The following UBE2R2 variants were observed in gnomAD, a reference collection of about 807,000 sequenced individuals.
UBE2R2 encodes ubiquitin-conjugating enzyme E2 R2.
A neutral mutation model predicts 27.8 loss-of-function variants in UBE2R2; 1 was observed. The ratio of observed to expected loss-of-function variants is 0.04; its 90% CI spans 0.01 to 0.17. The LOEUF is 0.17. Ranked by LOEUF, UBE2R2 falls within the 10% of genes least tolerant of loss-of-function variation. The pLI is 1.00. For missense variants in UBE2R2, 100 were observed against 291.0 expected (o/e 0.34, Z 4.78); for synonymous variants, 106 against 113.3 (o/e 0.94, Z 0.41).
chr9:33,877,061 T>C (rs889041145), intron 1 of UBE2R2, among the ~76,000 whole-genome samples: 4 of 151,938 alleles, frequency 2.6e-5, no homozygotes, highest in African/African-American at 9.7e-5. Context: ...AGAGAACAGC[T>C]TGAATTTGGG....
intron 1 of UBE2R2, among the ~76,000 whole-genome samples, chr9:33,875,065 G>A (rs975607905): frequency 3.8e-4 from 57 of 150,190 alleles, no homozygotes; most frequent in African/African-American, 1.3e-3. Context: ...CACCTGCCTC[G>A]ACCTCCCAAA....
chr9:33,863,762 A>C (rs933957588), intron 1 of UBE2R2, among the ~76,000 whole-genome samples: 3 of 152,012 alleles, frequency 2.0e-5, no homozygotes, highest in African/African-American at 7.2e-5. Context: ...ATCTCGGTTC[A>C]CTGCATCCTC....
chr9:33,917,646 G>A lies in UBE2R2; in HGVS notation c.*409G>A, dbSNP rs944216911. Reference sequence around the variant, plus strand: ...CTGGGAACCTGTTGGGAGTTCACAAGTGCTGCATATACTGGGTAGCAAAAG... The same window carrying A: ...CTGGGAACCTGTTGGGAGTTCACAAATGCTGCATATACTGGGTAGCAAAAG... On this transcript the variant is annotated 3_prime_UTR_variant, in exon 5 of 5. Coordinates refer to ENST00000263228, the MANE Select transcript of UBE2R2 (RefSeq NM_017811.4). The A allele has an allele frequency of 1.3e-5, 4 of 301,000 alleles. No individual in the cohort carries two copies. Among genetic ancestry groups the A allele is most frequent in the African/African-American group, 6.5e-5 (3 of 45,812 alleles). The allele number at this position is 301,000 out of a possible 1,614,324, so 18.6% of individuals were successfully genotyped here.
chr9:33,886,180 C>T (rs750209162), intron 1 of UBE2R2, among the ~76,000 whole-genome samples: 3 of 152,050 alleles, frequency 2.0e-5, no homozygotes, highest in Non-Finnish European at 4.4e-5. Flanking sequence ...GATAGAATGA[C>T]AGTTAAATTA....
At chr9:33,900,051 C>A (rs1286429128) in intron 2 of UBE2R2, 123 bp from the exon 3 acceptor site, 4 of 606,658 alleles carry the variant, frequency 6.6e-6, no homozygotes, top group East Asian at 3.0e-5. Context: ...ACATAAAAAG[C>A]AGAATTGTTT....
chr9:33,870,659 G>C (rs1821467146), intron 1 of UBE2R2, among the ~76,000 whole-genome samples: 1 of 152,110 alleles, frequency 6.6e-6, no homozygotes, highest in African/African-American at 2.4e-5. Context: ...ATGCTTTTTG[G>C]TAGTCATAGA....
In UBE2R2 at chr9:33,917,000, G is replaced by T. The variant is rs1364500270; in HGVS notation, c.498-18G>T. The T allele has an allele frequency of 7.4e-6, 12 of 1,613,670 alleles. No individual in the cohort carries two copies. The highest frequency in any genetic ancestry group is 1.0e-5 in the Non-Finnish European group (12 of 1,179,932). The stretch of plus-strand genomic sequence containing the variant: ...AAAAGACTTACCGTAAACCATTTCT[G>T]TGTCAACCTCCCTTCAGGAAACAAG... On this transcript the variant is annotated intron_variant, in intron 4 of 4. Coordinates refer to ENST00000263228, the MANE Select transcript of UBE2R2 (RefSeq NM_017811.4).
chr9:33,858,893 C>T (rs1241552343), intron 1 of UBE2R2, among the ~76,000 whole-genome samples: 1 of 152,132 alleles, frequency 6.6e-6, no homozygotes, highest in Non-Finnish European at 1.5e-5. Context: ...GGCGCAATCT[C>T]AGCTCACTGC....
intron 1 of UBE2R2, among the ~76,000 whole-genome samples, chr9:33,849,264 AT>A (rs1269233733): frequency 6.6e-6 from 1 of 152,124 alleles, no homozygotes; most frequent in Non-Finnish European, 1.5e-5. Context: ...TCTCAAAAAA[AT>A]AAATAAATAA....
At chr9:33,848,530 A>G (rs537268112) in intron 1 of UBE2R2, among the ~76,000 whole-genome samples, 4 of 152,240 alleles carry the variant, frequency 2.6e-5, no homozygotes, top group South Asian at 2.1e-4. Context: ...AAGACTTAGT[A>G]TATCACCTCA....
chr9:33,899,554 T>G (rs999625417), intron 2 of UBE2R2, among the ~76,000 whole-genome samples: 5 of 152,208 alleles, frequency 3.3e-5, no homozygotes, highest in African/African-American at 1.2e-4. Flanking sequence ...TTTGTATTTT[T>G]AGTAGAGACG....
intron 1 of UBE2R2, among the ~76,000 whole-genome samples, chr9:33,878,980 C>T (rs1366156940): frequency 6.6e-6 from 1 of 152,124 alleles, no homozygotes; most frequent in Non-Finnish European, 1.5e-5. Context: ...ATTAGGACTA[C>T]ACAGAGTACC....
intron 1 of UBE2R2, among the ~76,000 whole-genome samples, chr9:33,831,720 C>T (rs1255742628): frequency 2.0e-5 from 3 of 152,068 alleles, no homozygotes; most frequent in South Asian, 2.1e-4. Flanking sequence ...AGTGCAGAGG[C>T]GCGGTCTTGG....
chr9:33,850,878 G>A (rs1462595432), intron 1 of UBE2R2, among the ~76,000 whole-genome samples: 2 of 152,146 alleles, frequency 1.3e-5, no homozygotes, highest in Admixed American at 6.6e-5. Flanking sequence ...GTTACCTCCA[G>A]CATAAAGCCA....
chr9:33,852,087 G>A (rs138507254), intron 1 of UBE2R2, among the ~76,000 whole-genome samples: 2 of 151,812 alleles, frequency 1.3e-5, no homozygotes, highest in Non-Finnish European at 1.5e-5. Context: ...TGAGGGTGAG[G>A]ACTGCTGAGA....
chr9:33,822,906 A>ATT lies in UBE2R2; in HGVS notation c.177+4989_177+4990dup, dbSNP rs542620697. Among the ~76,000 whole-genome samples the ATT allele has an allele frequency of 1.3e-3, 164 of 127,860 alleles. 2 individuals carry two copies. Among genetic ancestry groups the ATT allele is most frequent in the Middle Eastern group, 4.0e-3 (1 of 248 alleles). 83.9% of individuals were successfully genotyped at this position (127,860 alleles called of 152,430 possible). A position where few individuals can be genotyped will look rare whatever the true frequency, so the allele number is the denominator to read the frequency against. ...TTTTTTCTTTTTCTTCTTCTTATTA[A>ATT]TTTTTTTTTTTTTTTTTTAGCTGAG... On this transcript the variant is annotated intron_variant, in intron 1 of 4. Transcript: ENST00000263228.
At chr9:33,837,322 G>A (rs897890247) in intron 1 of UBE2R2, among the ~76,000 whole-genome samples, 5 of 151,604 alleles carry the variant, frequency 3.3e-5, no homozygotes, top group African/African-American at 1.2e-4. Flanking sequence ...GGGCTCAAGC[G>A]ATATTCTTAT....
At chr9:33,841,599 T>C (rs1820734670) in intron 1 of UBE2R2, among the ~76,000 whole-genome samples, 1 of 152,190 alleles carries the variant, frequency 6.6e-6, no homozygotes, top group African/African-American at 2.4e-5. Context: ...TTAGAGATTA[T>C]TGCTGCTGTG....
chr9:33,819,774 G>A (rs1825935524), intron 1 of UBE2R2, among the ~76,000 whole-genome samples: 2 of 152,182 alleles, frequency 1.3e-5, no homozygotes, highest in African/African-American at 4.8e-5. Flanking sequence ...AAGCTGCTGG[G>A]ACTACAGGCG....
Sources: gnomAD v4.1 joint callset for allele counts (sites outside exome capture counted in the v4.1 genomes callset) on GRCh38, gnomAD v4.1.1 for gene constraint, MANE v1.5 for transcripts, NCBI Gene and HGNC (gene_info 2026-07-23, HGNC 2026-07-21) for gene names.